The following ISG20L2 variants were observed in gnomAD, a reference collection of about 807,000 sequenced individuals.
ISG20L2 encodes interferon-stimulated 20 kDa exonuclease-like 2.
Under a neutral mutation model 27.8 loss-of-function variants are expected in ISG20L2, and 14 were observed. That is an observed-to-expected ratio of 0.50 (90% CI 0.33 to 0.79). The LOEUF (loss-of-function observed/expected upper bound fraction) is 0.79. Ranked by LOEUF, ISG20L2 falls within the 30% of genes least tolerant of loss-of-function variation. The pLI is 0.02. For synonymous variants in ISG20L2, 157 were observed against 165.7 expected (o/e 0.95, Z 0.40); for missense variants, 393 against 435.1 (o/e 0.90, Z 0.86).
Position 156,724,141 on chromosome 1 carries a change from A to T in ISG20L2, c.948+7T>A. ...AGATGGGGGCGGGGGATGTGGGGAG[A>T]TGCTACCTGGATATCCCGGTTTAGC... On this transcript the variant is annotated splice_region_variant and intron_variant, in intron 3 of 3. Coordinates refer to ENST00000368219, the MANE Select transcript of ISG20L2 (RefSeq NM_001370150.2). 1 of 1,611,398 alleles carries T rather than the reference A, an allele frequency of 6.2e-7. No individual in the cohort carries two copies. The highest frequency in any genetic ancestry group is 2.2e-5 in the East Asian group (1 of 44,800).
At position 156,727,318 on chromosome 1, in the gene ISG20L2, A is replaced by G. The variant is rs1242167514; in HGVS notation, c.335T>C (p.Val112Ala). 1 of 1,614,214 alleles carries G rather than the reference A, an allele frequency of 6.2e-7. No homozygotes were observed. The highest frequency in any genetic ancestry group is 1.1e-5 in the South Asian group (1 of 91,082). Residue 112 changes from valine (V) to alanine (A), a missense_variant, in exon 2 of 4, where the codon GTT becomes GCT. Val to Ala is a moderately conservative substitution (Grantham distance 64, BLOSUM62 0). Coordinates refer to ENST00000368219, the MANE Select transcript of ISG20L2 (RefSeq NM_001370150.2). ...CCCCAGCAAATCTACTTTAGCAGCA[A>G]CAGAATCAGCCTTTTTTGAAGGGGC... ...TPAPSKKADS[V>A]AAKVDLLGEF... is the part of the protein sequence containing the mutation.
At position 156,722,470 on chromosome 1, in the gene ISG20L2, G is replaced by C. The variant is rs1051159703; in HGVS notation, c.*879C>G. On this transcript the variant is annotated 3_prime_UTR_variant, in exon 4 of 4. Transcript: ENST00000368219. ...TTTAGTAGAGACGGGGTTTCACCGT[G>C]TTAGCCAGGATGGTCTCGATCTCCT... The C allele has an allele frequency of 4.6e-5, 7 of 151,840 alleles. No individual in the cohort carries two copies. The highest frequency in any genetic ancestry group is 1.5e-4 in the African/African-American group (6 of 41,340). The allele number at this position is 151,840 out of a possible 1,614,324, so 9.4% of individuals were successfully genotyped here.
chr1:156,728,418 C>G lies in ISG20L2; in HGVS notation c.-121G>C, dbSNP rs1050275461. ...TCTCTCACGCTCACAAACCTACCTCCCAGACGGGTCCAGCTAAGACCGGAA... is the reference window on the plus strand; with the variant it reads ...TCTCTCACGCTCACAAACCTACCTCGCAGACGGGTCCAGCTAAGACCGGAA... On this transcript the variant is annotated 5_prime_UTR_variant, in exon 1 of 4. Coordinates refer to ENST00000368219, the MANE Select transcript of ISG20L2 (RefSeq NM_001370150.2). 3 of 985,586 alleles carry G rather than the reference C, an allele frequency of 3.0e-6. No individual in the cohort carries two copies. In the African/African-American group the frequency reaches 5.2e-5, roughly 17 times the overall value. 61.1% of individuals were successfully genotyped at this position (985,586 alleles called of 1,614,324 possible).
chr1:156,724,084 C>T (rs1648648104), intron 3 of ISG20L2, 64 bp downstream of exon 3: 2 of 1,424,092 alleles, frequency 1.4e-6, no homozygotes, highest in Non-Finnish European at 9.9e-7. Context: ...AGATCAGAGT[C>T]TGGCTAGGGG....
intron 2 of ISG20L2, chr1:156,725,760 C>T: frequency 1.7e-6 from 1 of 579,714 alleles, no homozygotes; most frequent in South Asian, 7.6e-5. Context: ...AGACCCGTCC[C>T]ATCTTCTGCC....
Position 156,728,171 on chromosome 1 carries a change from C to CCAGCG in ISG20L2, c.-118+243_-118+244insCGCTG, listed in dbSNP as rs1455752792. 5.1e-6 allele frequency: 5 copies of CCAGCG among 986,578 alleles called. No individual in the cohort carries two copies. The East Asian group carries it at 5.7e-4, about 112-fold the overall frequency. The allele number at this position is 986,578 out of a possible 1,614,324, so 61.1% of individuals were successfully genotyped here. A position where few individuals can be genotyped will look rare whatever the true frequency, so the allele number is the denominator to read the frequency against. On this transcript the variant is annotated intron_variant, in intron 1 of 3. Transcript: ENST00000368219. ...AAGTATGGCGTAGATAACCTCTGGG[C>CCAGCG]TACCCAGGCATCCGCAGCGTGGACC...
At position 156,723,138 on chromosome 1, in the gene ISG20L2, A is replaced by C. The variant is rs1558012361; in HGVS notation, c.*211T>G. On this transcript the variant is annotated 3_prime_UTR_variant, in exon 4 of 4. Coordinates refer to ENST00000368219, the MANE Select transcript of ISG20L2 (RefSeq NM_001370150.2). ...GGTATAGGGTTGGGTTCTGACGTGA[A>C]GGCTTTCCCCTTCCATGGGACACTT... 1 of 605,664 alleles carries C rather than the reference A, an allele frequency of 1.7e-6. No homozygotes were observed. Among genetic ancestry groups the C allele is most frequent in the Non-Finnish European group, 2.9e-6 (1 of 348,854 alleles). The allele number at this position is 605,664 out of a possible 1,614,324, so 37.5% of individuals were successfully genotyped here.
chr1:156,724,624 A>C, intron 2 of ISG20L2: 3 of 1,197,888 alleles, frequency 2.5e-6, no homozygotes, highest in Non-Finnish European at 3.1e-6. Context: ...ATTTGCCTTC[A>C]GTCCTAAATG....
At position 156,727,478 on chromosome 1, in the gene ISG20L2, A is replaced by C; in HGVS notation, c.175T>G (p.Ser59Ala). ...SKAPKLHSEP[S>A]KKGETPTVDG... ...ACCGTAGGAGTTTCCCCTTTCTTTG[A>C]AGGTTCAGAGTGCAACTTAGGCGCC... The change falls in exon 2 of 4, where the codon TCA becomes GCA. Residue 59 changes from serine (S) to alanine (A), a missense_variant. Transcript: ENST00000368219. 1 of 1,613,942 alleles carries C rather than the reference A, an allele frequency of 6.2e-7. No homozygotes were observed. The highest frequency in any genetic ancestry group is 8.5e-7 in the Non-Finnish European group (1 of 1,179,972).
rs1307617654 is a variant in ISG20L2, at chr1:156,723,430, A to G, written c.981T>C (p.Asp327=). ...TATATAGCTCCATGGTGGCCTGGGC[A>G]TCTTCCACAGAGGAATGTCCGCTCT... is the stretch of plus-strand genomic sequence containing the variant. ...VGKSGHSSVE[D]AQATMELYKL... Residue 327 remains aspartate (D), a synonymous_variant, in exon 4 of 4, where the codon GAT becomes GAC. Transcript: ENST00000368219. The G allele has an allele frequency of 6.2e-7, 1 of 1,614,170 alleles. No individual in the cohort carries two copies. The highest frequency in any genetic ancestry group is 8.5e-7 in the Non-Finnish European group (1 of 1,180,038).
rs1011991033 is a variant in ISG20L2 at position 156,723,279 on chromosome 1, A to T, written c.*70T>A. 64 of 1,584,334 alleles carry T rather than the reference A, an allele frequency of 4.0e-5. No homozygotes were observed. Among genetic ancestry groups the T allele is most frequent in the Non-Finnish European group, 5.2e-5 (60 of 1,157,580 alleles). On this transcript the variant is annotated 3_prime_UTR_variant, in exon 4 of 4. Coordinates refer to ENST00000368219, the MANE Select transcript of ISG20L2 (RefSeq NM_001370150.2). ...AGATGTGGAGCTGGTGGAGCTGTCC[A>T]TTGGTCCACTGCCCTGTTTCTCCTG...
intron 2 of ISG20L2, 53 bp from the exon 3 acceptor site, chr1:156,724,401 C>T: frequency 6.6e-7 from 1 of 1,508,538 alleles, no homozygotes; most frequent in Non-Finnish European, 9.0e-7. Flanking sequence ...AGTGGAACCC[C>T]TGCATTCTGA....
At chr1:156,724,547 T>C in intron 2 of ISG20L2, 199 bp from the exon 3 acceptor site, 1 of 1,389,010 alleles carries the variant, frequency 7.2e-7, no homozygotes, top group Non-Finnish European at 9.3e-7. Flanking sequence ...TTCCATGGTA[T>C]ACCCTGTTTG....
At position 156,724,200 on chromosome 1, in the gene ISG20L2, G is replaced by A. The variant is rs1019652391; in HGVS notation, c.896C>T (p.Ala299Val). Residue 299 changes from alanine (A) to valine (V), a missense_variant, in exon 3 of 4, where the codon GCC (alanine) becomes GTC (valine). This residue lies in a region of ISG20L2 where 171 missense variants were observed against 195.3 expected (regional missense o/e 0.88). Coordinates refer to ENST00000368219, the MANE Select transcript of ISG20L2 (RefSeq NM_001370150.2). Reference sequence around the variant, plus strand: ...GGTGAGATGCTTCAGAGACATGGTGGCATTCTCCGGGCAGTCAGCCTTCCG... The same window carrying A: ...GGTGAGATGCTTCAGAGACATGGTGACATTCTCCGGGCAGTCAGCCTTCCG... The part of the protein sequence containing the change: ...LNRKADCPEN[A>V]TMSLKHLTKK... 3.7e-6 allele frequency: 6 copies of A among 1,613,688 alleles called. No homozygotes were observed. Among genetic ancestry groups the A allele is most frequent in the African/African-American group, 2.7e-5 (2 of 74,784 alleles).
chr1:156,727,939 C>A lies in ISG20L2; in HGVS notation c.-117-170G>T, dbSNP rs751055551. On this transcript the variant is annotated intron_variant, in intron 1 of 3. Coordinates refer to ENST00000368219, the MANE Select transcript of ISG20L2 (RefSeq NM_001370150.2). ...TGGAGGGAGCATTGGTGTTAGCCAG[C>A]AAGCCTGGATTCTAGTGAAGCCCAA... 8.7e-6 allele frequency: 10 copies of A among 1,150,706 alleles called. No individual in the cohort carries two copies. The South Asian group carries it at 2.7e-4, about 31-fold the overall frequency. 71.3% of individuals were successfully genotyped at this position (1,150,706 alleles called of 1,614,324 possible).
At chr1:156,726,404 A>G (rs1461090094) in intron 2 of ISG20L2, 1 of 985,100 alleles carries the variant, frequency 1.0e-6, no homozygotes, top group Admixed American at 6.2e-5. Flanking sequence ...CCCAGACCCA[A>G]TTTAGAACCT....
At position 156,723,184 on chromosome 1, in the gene ISG20L2, A is replaced by C; in HGVS notation, c.*165T>G. The C allele has an allele frequency of 1.2e-6, 1 of 817,252 alleles. No individual in the cohort carries two copies. Among genetic ancestry groups the C allele is most frequent in the Non-Finnish European group, 1.9e-6 (1 of 518,502 alleles). 50.6% of individuals were successfully genotyped at this position (817,252 alleles called of 1,614,324 possible). On this transcript the variant is annotated 3_prime_UTR_variant, in exon 4 of 4. Transcript: ENST00000368219. ...CACTTAACCAGACACAGGACACAAC[A>C]CCTGAGGTGAAATTTCAATGGGTAT...
chr1:156,727,109 T>C lies in ISG20L2; in HGVS notation c.544A>G (p.Ile182Val). 1 of 1,614,198 alleles carries C rather than the reference T, an allele frequency of 6.2e-7. No individual in the cohort carries two copies. The highest frequency in any genetic ancestry group is 8.5e-7 in the Non-Finnish European group (1 of 1,180,032). ...CCTGTGCCCACCATCTCACAGTCAA[T>C]TGCCACCATCTTCCGTGGCAACTTC... ...SQKLPRKMVA[I>V]DCEMVGTGPK... Residue 182 changes from isoleucine (I) to valine (V), a missense_variant, in exon 2 of 4, where the codon ATT (isoleucine) becomes GTT (valine). Coordinates refer to ENST00000368219, the MANE Select transcript of ISG20L2 (RefSeq NM_001370150.2).
intron 3 of ISG20L2, 69 bp from the exon 4 acceptor site, chr1:156,723,531 T>C: frequency 5.6e-6 from 9 of 1,595,714 alleles, no homozygotes; most frequent in South Asian, 1.1e-5. Flanking sequence ...GTGTACTCTC[T>C]GTACTCCTCT....
Sources: allele counts gnomAD v4.1 joint callset, GRCh38; gene constraint gnomAD v4.1.1; regional missense constraint gnomAD v4.1.1; transcripts MANE v1.5; gene names NCBI Gene and HGNC (gene_info 2026-07-23, HGNC 2026-07-21).